Variants in EYS observed in about 807,000 individuals in gnomAD.
EYS encodes EGF-like photoreceptor maintenance factor.
EYS carries 250 observed loss-of-function variants against 282.1 expected under a neutral mutation model. The observed-to-expected ratio is 0.89, with a 90% CI of 0.80 to 0.98. EYS has a LOEUF of 0.98. EYS is among the 50% of genes least tolerant of loss of function. EYS has a pLI of 0.00. For synonymous variants in EYS, 1,355 were observed against 1,282.9 expected, an observed-to-expected ratio of 1.06 and a Z score of -1.20; for missense variants, 4,016 against 3,709.0, an observed-to-expected ratio of 1.08 and a Z score of -2.15.
At chr6:63,761,651 A>T (rs977537999) in intron 41 of EYS, among the ~76,000 whole-genome samples, 3 of 152,002 alleles carry the variant, frequency 2.0e-5, no homozygotes, top group Non-Finnish European at 4.4e-5. Context: ...TACTCTTTTT[A>T]TCCCAGCCTC....
At chr6:65,309,059 C>A (rs1221341344) in intron 11 of EYS, among the ~76,000 whole-genome samples, 1 of 151,968 alleles carries the variant, frequency 6.6e-6, no homozygotes, top group Non-Finnish European at 1.5e-5. Flanking sequence ...GTATTAAAAC[C>A]TATAGGGTTA....
At chr6:64,743,441 A>G (rs554142412) in intron 22 of EYS, among the ~76,000 whole-genome samples, 35 of 152,210 alleles carry the variant, frequency 2.3e-4, no homozygotes, top group Admixed American at 1.4e-3. Context: ...GGTTATAGAA[A>G]TAGTAAATAA....
At chr6:64,395,689 G>A (rs561350318) in intron 28 of EYS, among the ~76,000 whole-genome samples, 113 of 151,374 alleles carry the variant, frequency 7.5e-4, no homozygotes, top group Non-Finnish European at 1.1e-3. Flanking sequence ...TGCTAGATGA[G>A]GAGTTAGTGG....
chr6:64,863,054 C>T (rs922370496), intron 19 of EYS, among the ~76,000 whole-genome samples: 23 of 152,078 alleles, frequency 1.5e-4, no homozygotes, highest in African/African-American at 5.6e-4. Context: ...ATATTTTAAT[C>T]CTCTCAAATG....
chr6:64,013,017 A>T (rs942355688), intron 33 of EYS, among the ~76,000 whole-genome samples: 1 of 152,126 alleles, frequency 6.6e-6, no homozygotes, highest in African/African-American at 2.4e-5. Flanking sequence ...GTTTTAGATT[A>T]TATTAGTTAG....
intron 1 of EYS, among the ~76,000 whole-genome samples, chr6:65,688,199 T>C (rs12211726): frequency 0.35 from 53,676 of 151,922 alleles, 11,964 homozygotes; most frequent in Non-Finnish European, 0.49. Context: ...AAGGCTACAG[T>C]AACCAAAACA....
intron 22 of EYS, among the ~76,000 whole-genome samples, chr6:64,640,367 C>T (rs1274467762): frequency 6.6e-6 from 1 of 152,138 alleles, no homozygotes; most frequent in Non-Finnish European, 1.5e-5. Context: ...GGCACATATA[C>T]ACCATGGAAT....
intron 12 of EYS, among the ~76,000 whole-genome samples, chr6:65,108,735 T>G (rs1775117917): frequency 6.6e-6 from 1 of 152,162 alleles, no homozygotes; most frequent in African/African-American, 2.4e-5. Flanking sequence ...TTTGTTTCAT[T>G]AAATTTGGGA....
chr6:63,990,228 C>T (rs945196677), intron 34 of EYS, among the ~76,000 whole-genome samples: 4 of 151,214 alleles, frequency 2.6e-5, no homozygotes, highest in Non-Finnish European at 4.4e-5. Flanking sequence ...AATAGGAAGC[C>T]CCAGACCCTC....
intron 26 of EYS, among the ~76,000 whole-genome samples, chr6:64,580,481 A>T (rs1232408156): frequency 6.6e-6 from 1 of 152,158 alleles, no homozygotes; most frequent in Non-Finnish European, 1.5e-5. Context: ...AGGGACTATG[A>T]GCACTGAAGT....
chr6:65,211,919 G>A (rs1766185414), intron 12 of EYS, among the ~76,000 whole-genome samples: 1 of 151,898 alleles, frequency 6.6e-6, no homozygotes, highest in Non-Finnish European at 1.5e-5. Flanking sequence ...ATCCATATAT[G>A]AAGTCTTTTG....
intron 10 of EYS, among the ~76,000 whole-genome samples, chr6:65,343,714 T>C (rs1244050847): frequency 1.3e-5 from 2 of 151,332 alleles, no homozygotes; most frequent in African/African-American, 2.4e-5. Context: ...CATTATGATC[T>C]GTAAGCAAAA....
chr6:65,566,736 T>A (rs1453547934), intron 2 of EYS, among the ~76,000 whole-genome samples: 1 of 152,158 alleles, frequency 6.6e-6, no homozygotes. Flanking sequence ...CTAAATTTCA[T>A]CATCTAAAAA....
At chr6:64,413,644 CA>C (rs1773977995) in intron 28 of EYS, among the ~76,000 whole-genome samples, 1 of 150,742 alleles carries the variant, frequency 6.6e-6, no homozygotes, top group Non-Finnish European at 1.5e-5. Context: ...AAGGTTAGGA[CA>C]AAAGATAAAA....
chr6:65,398,621 G>A (rs937406439), intron 7 of EYS, among the ~76,000 whole-genome samples: 4 of 152,084 alleles, frequency 2.6e-5, no homozygotes, highest in Non-Finnish European at 5.9e-5. Context: ...GACAAAAATT[G>A]AATATAATTA....
At chr6:65,549,005 C>T (rs866539230) in intron 2 of EYS, among the ~76,000 whole-genome samples, 1 of 152,100 alleles carries the variant, frequency 6.6e-6, no homozygotes, top group Non-Finnish European at 1.5e-5. Flanking sequence ...GGCATTAGAT[C>T]CCTCACATGC....
intron 22 of EYS, among the ~76,000 whole-genome samples, chr6:64,806,921 C>A (rs1562201868): frequency 6.6e-6 from 1 of 152,174 alleles, no homozygotes; most frequent in South Asian, 2.1e-4. Flanking sequence ...GTGTAATCTA[C>A]AGATTAAAAA....
intron 30 of EYS, among the ~76,000 whole-genome samples, chr6:64,239,831 T>C (rs1427176554): frequency 2.6e-5 from 4 of 152,226 alleles, no homozygotes; most frequent in African/African-American, 7.2e-5. Context: ...CCTTTGCCCA[T>C]GGCTATGTCC....
intron 22 of EYS, among the ~76,000 whole-genome samples, chr6:64,776,200 T>C (rs1339734822): frequency 1.3e-5 from 2 of 152,090 alleles, no homozygotes; most frequent in African/African-American, 4.8e-5. Context: ...TTTAAGCAAA[T>C]CTTTTAAAAA....
Sources: gnomAD v4.1 joint callset for allele counts (sites outside exome capture counted in the v4.1 genomes callset) on GRCh38, gnomAD v4.1.1 for gene constraint, MANE v1.5 for transcripts, NCBI Gene and HGNC (gene_info 2026-07-23, HGNC 2026-07-21) for gene names.